The following KAZN variants were observed in gnomAD, a reference collection of about 807,000 sequenced individuals.
KAZN encodes the protein kazrin, periplakin interacting protein.
KAZN carries 40 observed loss-of-function variants against 87.4 expected under a neutral mutation model. That is an observed-to-expected ratio of 0.46 (90% CI 0.36 to 0.60). KAZN has a LOEUF of 0.60. Ranked by LOEUF, KAZN falls within the 20% of genes least tolerant of loss-of-function variation. The probability of loss-of-function intolerance (pLI) is 0.00; values close to 1 mark genes in which losing one functional copy is unlikely to be tolerated. For missense variants in KAZN, 898 were observed against 1,073.9 expected, an observed-to-expected ratio of 0.84 and a Z score of 2.29; for synonymous variants, 466 against 458.3, an observed-to-expected ratio of 1.02 and a Z score of -0.22.
At chr1:14,806,690 C>T (rs1038852914) in intron 1 of KAZN, among the ~76,000 whole-genome samples, 3 of 152,182 alleles carry the variant, frequency 2.0e-5, no homozygotes, top group African/African-American at 7.2e-5. Flanking sequence ...ATCTAACACA[C>T]TCCCAACCTA....
chr1:14,613,252 A>T (rs965971146), intron 1 of KAZN, among the ~76,000 whole-genome samples: 1 of 152,202 alleles, frequency 6.6e-6, no homozygotes, highest in Admixed American at 6.5e-5. Context: ...GAGAAGCTCA[A>T]CTCACAGAGG....
At chr1:13,986,969 T>C (rs1639047247) in intron 1 of KAZN, among the ~76,000 whole-genome samples, 1 of 152,180 alleles carries the variant, frequency 6.6e-6, no homozygotes, top group South Asian at 2.1e-4. Context: ...TACATACCTA[T>C]CCACAACTGC....
At chr1:14,853,680 C>A (rs1462997123) in intron 1 of KAZN, among the ~76,000 whole-genome samples, 1 of 152,132 alleles carries the variant, frequency 6.6e-6, no homozygotes, top group African/African-American at 2.4e-5. Context: ...TAGTGATAGC[C>A]CCAGGCTCCA....
intron 1 of KAZN, among the ~76,000 whole-genome samples, chr1:14,883,355 A>AAAAGAAAGAAAGAAAGAAAGAAAGAAAG (rs1244741160): frequency 9.7e-5 from 2 of 20,620 alleles, no homozygotes; most frequent in African/African-American, 1.5e-4. Context: ...AGAAAGAAAG[A>AAAAGAAAGAAAGAAAGAAAGAAAGAAAG]AAAGAAAGAA....
chr1:14,334,262 G>T (rs1657061484), intron 2 of KAZN, among the ~76,000 whole-genome samples: 1 of 150,230 alleles, frequency 6.7e-6, no homozygotes, highest in Non-Finnish European at 1.5e-5. Context: ...CTACTTGGGA[G>T]GCTGAGGCAG....
chr1:14,520,334 G>C (rs960359890), intron 2 of KAZN, among the ~76,000 whole-genome samples: 1 of 152,122 alleles, frequency 6.6e-6, no homozygotes, highest in Non-Finnish European at 1.5e-5. Context: ...CTCCCGAGAA[G>C]GGTGGGCATG....
chr1:14,657,302 C>T (rs1022160532), intron 1 of KAZN, among the ~76,000 whole-genome samples: 1 of 152,086 alleles, frequency 6.6e-6, no homozygotes. Context: ...AGGCTGGTCT[C>T]GAACTCCCGA....
chr1:14,813,620 C>T (rs113466044), intron 1 of KAZN, among the ~76,000 whole-genome samples: 16 of 152,204 alleles, frequency 1.1e-4, no homozygotes, highest in African/African-American at 2.9e-4. Flanking sequence ...AAATAAATGA[C>T]TATTGTTATT....
chr1:14,781,323 A>C (rs926520124), intron 1 of KAZN, among the ~76,000 whole-genome samples: 5 of 152,228 alleles, frequency 3.3e-5, no homozygotes, highest in Non-Finnish European at 7.3e-5. Context: ...CTCTGTCTGA[A>C]GAAAAAAAAC....
chr1:14,637,708 A>G (rs1680097233), intron 1 of KAZN, among the ~76,000 whole-genome samples: 1 of 152,114 alleles, frequency 6.6e-6, no homozygotes. Context: ...TGTCCTGCAT[A>G]AATATATGTG....
chr1:14,754,365 G>A (rs945357022), intron 1 of KAZN, among the ~76,000 whole-genome samples: 1 of 152,208 alleles, frequency 6.6e-6, no homozygotes, highest in Non-Finnish European at 1.5e-5. Context: ...GGATGTGGTG[G>A]CTCACACCTG....
intron 2 of KAZN, among the ~76,000 whole-genome samples, chr1:14,266,999 T>A (rs1163604927): frequency 6.6e-6 from 1 of 151,712 alleles, no homozygotes. Context: ...AACTCGTCAT[T>A]TAGCATTAGG....
intron 1 of KAZN, among the ~76,000 whole-genome samples, chr1:14,919,466 C>T (rs879628163): frequency 3.3e-5 from 5 of 152,212 alleles, no homozygotes; most frequent in South Asian, 2.1e-4. Flanking sequence ...CATGAGCCAC[C>T]GCGCCCCTCC....
At chr1:13,992,515 G>C (rs529555402) in intron 1 of KAZN, among the ~76,000 whole-genome samples, 4 of 152,266 alleles carry the variant, frequency 2.6e-5, no homozygotes, top group Admixed American at 2.6e-4. Flanking sequence ...GCTCGAAGGA[G>C]TACCTTCTAC....
chr1:14,143,491 T>A (rs4662124), intron 1 of KAZN, among the ~76,000 whole-genome samples: 1 of 151,990 alleles, frequency 6.6e-6, no homozygotes, highest in Admixed American at 6.5e-5. Context: ...GATCTTGTAT[T>A]CTTCCTGCGC....
chr1:14,070,278 A>G (rs1483934230), intron 1 of KAZN, among the ~76,000 whole-genome samples: 1 of 151,910 alleles, frequency 6.6e-6, no homozygotes, highest in African/African-American at 2.4e-5. Flanking sequence ...TTATTAGCTT[A>G]TTTTGAAATG....
In KAZN at chr1:14,856,866, T is replaced by G. The variant is rs1337943677; in HGVS notation, c.227-103818T>G. Among the ~76,000 whole-genome samples, 2 of 152,154 alleles carry G rather than the reference T, an allele frequency of 1.3e-5. No homozygotes were observed. Among genetic ancestry groups the G allele is most frequent in the Non-Finnish European group, 2.9e-5 (2 of 68,028 alleles). On this transcript the variant is annotated intron_variant, in intron 1 of 14. Coordinates refer to ENST00000376030, the MANE Select transcript of KAZN (RefSeq NM_201628.3). The surrounding 1 kb of genome is among the most constrained non-coding windows in gnomAD (Gnocchi z 5.2). The stretch of plus-strand genomic sequence containing the variant: ...TGTTGTCATCCTTTGATGCTTCTCC[T>G]TGGGAGGTGTGTGAATTGGAGTTGC...
chr1:14,970,244 A>G (rs751426433), intron 2 of KAZN, among the ~76,000 whole-genome samples: 4 of 152,302 alleles, frequency 2.6e-5, no homozygotes, highest in South Asian at 2.1e-4. Context: ...AGATCCTTCA[A>G]TTACCTTGCA....
chr1:14,979,958 G>A (rs901590177), intron 2 of KAZN, among the ~76,000 whole-genome samples: 1 of 151,994 alleles, frequency 6.6e-6, no homozygotes, highest in Non-Finnish European at 1.5e-5. Context: ...GCGCAGTCTC[G>A]GCGCACTGCA....
Sources: allele counts gnomAD v4.1 joint callset (sites outside exome capture counted in the v4.1 genomes callset), GRCh38; gene constraint gnomAD v4.1.1; non-coding constraint Gnocchi (gnomAD v3.1); transcripts MANE v1.5; gene names NCBI Gene and HGNC (gene_info 2026-07-23, HGNC 2026-07-21).